The following CAPN13 variants were observed in gnomAD, a reference collection of about 807,000 sequenced individuals.
CAPN13 encodes the protein calpain-13.
A neutral mutation model predicts 98.4 loss-of-function variants in CAPN13; 90 were observed. That is an observed-to-expected ratio of 0.92 (90% CI 0.77 to 1.09). CAPN13 has a LOEUF of 1.09. CAPN13 is among the 50% of genes least tolerant of loss of function. The pLI, the probability that CAPN13 is intolerant of heterozygous loss-of-function variation, is 0.00. For synonymous variants in CAPN13, 330 were observed against 305.5 expected (o/e 1.08, Z -0.84); for missense variants, 887 against 841.3 (o/e 1.05, Z -0.67).
At chr2:30,732,403 C>T (rs1444144757) in intron 20 of CAPN13, 35 bp downstream of exon 20, 1 of 1,611,240 alleles carries the variant, frequency 6.2e-7, no homozygotes, top group Non-Finnish European at 8.5e-7. Context: ...TCGGTCACTG[C>T]CAAGGTCTCT....
In CAPN13 at chr2:30,758,901, TCTC is replaced by T. The variant is rs1158723459; in HGVS notation, c.775-767_775-765del. ...TCCTACCCTCCTTTCCCTTACTCCC[TCTC>T]GTCTTCCCTTCTTTCTTTCCTTCCT... On this transcript the variant is annotated intron_variant, in intron 7 of 22. Coordinates refer to ENST00000295055, the MANE Select transcript of CAPN13 (RefSeq NM_144575.3). Among the ~76,000 whole-genome samples the T allele has an allele frequency of 2.3e-4, 33 of 141,190 alleles. 1 individual carries two copies. The highest frequency in any genetic ancestry group is 8.2e-4 in the African/African-American group (31 of 37,940). The allele number at this position is 141,190 out of a possible 152,430, so 92.6% of individuals were successfully genotyped here. A position where few individuals can be genotyped will look rare whatever the true frequency, so the allele number is the denominator to read the frequency against.
chr2:30,732,475 G>T lies in CAPN13; in HGVS notation c.1890C>A (p.Ser630Arg). ...SDSVGRVSFP[S>R]LVCFLMRLEA... is the part of the protein sequence containing the mutation. Reference sequence around the variant, plus strand: ...CAAGCCGCATCAGGAAGCAGACCAGGCTGGGGAAGCTGACCCTGCCGACGC... The same window carrying T: ...CAAGCCGCATCAGGAAGCAGACCAGTCTGGGGAAGCTGACCCTGCCGACGC... The change falls in exon 20 of 23, where the codon AGC becomes AGA. Residue 630 changes from serine (S) to arginine (R), a missense_variant. Transcript: ENST00000295055. 6.2e-7 allele frequency: 1 copy of T among 1,613,474 alleles called. No homozygotes were observed.
intron 17 of CAPN13, chr2:30,737,808 C>T: frequency 4.7e-6 from 1 of 211,186 alleles, no homozygotes; most frequent in Non-Finnish European, 9.8e-6. Flanking sequence ...AGAGCATCGA[C>T]TTTGGAGGCT....
At chr2:30,803,813 A>G (rs1474871823) in intron 1 of CAPN13, among the ~76,000 whole-genome samples, 1 of 152,172 alleles carries the variant, frequency 6.6e-6, no homozygotes, top group East Asian at 1.9e-4. Context: ...GGTGACCTTT[A>G]GCTGCCTTTC....
At chr2:30,754,019 T>C (rs1672310327) in intron 9 of CAPN13, among the ~76,000 whole-genome samples, 1 of 152,162 alleles carries the variant, frequency 6.6e-6, no homozygotes, top group Non-Finnish European at 1.5e-5. Flanking sequence ...AAACCACAGA[T>C]TTCAAGCCTT....
chr2:30,723,650 T>TCCA (rs1354374237), intron 22 of CAPN13, among the ~76,000 whole-genome samples: 1 of 152,134 alleles, frequency 6.6e-6, no homozygotes, highest in Non-Finnish European at 1.5e-5. Flanking sequence ...CCATCCAAGC[T>TCCA]CCAGATGGCT....
intron 4 of CAPN13, among the ~76,000 whole-genome samples, chr2:30,771,176 C>T (rs1028802684): frequency 3.3e-5 from 5 of 152,204 alleles, no homozygotes; most frequent in Non-Finnish European, 5.9e-5. Flanking sequence ...TATAGTTCAC[C>T]GGGGACATGG....
At chr2:30,728,936 A>G (rs903809839) in intron 22 of CAPN13, among the ~76,000 whole-genome samples, 4 of 152,222 alleles carry the variant, frequency 2.6e-5, no homozygotes, top group African/African-American at 7.2e-5. Flanking sequence ...TTTGGTTGCA[A>G]TGAGAGGAAA....
At chr2:30,745,583 G>C in intron 12 of CAPN13, 140 bp downstream of exon 12, 1 of 764,522 alleles carries the variant, frequency 1.3e-6, no homozygotes, top group Non-Finnish European at 2.1e-6. Context: ...GGGGATTCTA[G>C]GCCTGTGTCT....
intron 7 of CAPN13, among the ~76,000 whole-genome samples, chr2:30,759,045 TCCTTCCTTCCCTCCCTCCCTCCCTCCTC>T (rs1454158799): frequency 0.12 from 2,445 of 20,360 alleles, 98 homozygotes; most frequent in African/African-American, 0.33. Flanking sequence ...CCTCCCTCCT[TCCTTCCTTCCCTCCCTCCCTCCCTCCTC>T]CCTCCCTTCC....
intron 20 of CAPN13, among the ~76,000 whole-genome samples, chr2:30,732,234 C>T (rs897475311): frequency 3.9e-5 from 6 of 152,044 alleles, no homozygotes; most frequent in Admixed American, 1.3e-4. Flanking sequence ...AAGAGACCTG[C>T]GATGGGGAAC....
intron 5 of CAPN13, among the ~76,000 whole-genome samples, chr2:30,768,664 C>T (rs1199536284): frequency 7.6e-6 from 1 of 132,310 alleles, no homozygotes; most frequent in African/African-American, 4.2e-5. Context: ...CATTTCATTT[C>T]ATGAACTTTC....
rs149717290 is a variant in CAPN13 at position 30,747,268 on chromosome 2, T to TGTAGAAACTGAGGCTCA, written c.1237-1551_1237-1535dup. 3.7e-3 allele frequency among the ~76,000 whole-genome samples: 564 copies of TGTAGAAACTGAGGCTCA among 152,250 alleles called. 2 individuals carry two copies. The highest frequency in any genetic ancestry group is 6.0e-3 in the Admixed American group (92 of 15,256). ...GATGCTGGGCTCCCTATTTTATGGG[T>TGTAGAAACTGAGGCTCA]GTAGAAACTGAGGCTCAGCAGTTTA... On this transcript the variant is annotated intron_variant, in intron 11 of 22. Transcript: ENST00000295055.
chr2:30,732,540 G>A lies in CAPN13; in HGVS notation c.1825C>T (p.Arg609Cys), dbSNP rs757821105. ...TDFLRGIFIS[R>C]ELLHLVTLRY... ...AGGGTCACCAGATGCAGCAGCTCAC[G>A]GCTGATGAAGATCCCTCTGAGGAAG... is the stretch of plus-strand genomic sequence containing the variant. The change falls in exon 20 of 23, where the codon CGT becomes TGT. Residue 609 changes from arginine (R) to cysteine (C), a missense_variant. Coordinates refer to ENST00000295055, the MANE Select transcript of CAPN13 (RefSeq NM_144575.3). The A allele has an allele frequency of 3.4e-5, 55 of 1,609,706 alleles. No individual in the cohort carries two copies. Among genetic ancestry groups the A allele is most frequent in the African/African-American group, 1.7e-4 (13 of 74,876 alleles).
chr2:30,743,668 C>T (rs202104645), intron 12 of CAPN13, 89 bp from the exon 13 acceptor site: 16 of 1,104,646 alleles, frequency 1.4e-5, no homozygotes, highest in Middle Eastern at 3.9e-4. Context: ...CCTTCTAGAC[C>T]GTCTCCATTC....
intron 2 of CAPN13, among the ~76,000 whole-genome samples, chr2:30,781,945 C>G (rs574694529): frequency 1.3e-5 from 2 of 151,912 alleles, no homozygotes; most frequent in African/African-American, 4.8e-5. Flanking sequence ...TCTGGAGAAC[C>G]CTGAGTAATA....
intron 22 of CAPN13, among the ~76,000 whole-genome samples, chr2:30,729,044 T>G (rs2593429): frequency 0.035 from 5,366 of 152,228 alleles, 334 homozygotes; most frequent in African/African-American, 0.12. Flanking sequence ...AGAGACAGGT[T>G]TAGTATTCAG....
chr2:30,727,905 C>T (rs1670915626), intron 22 of CAPN13, among the ~76,000 whole-genome samples: 1 of 151,880 alleles, frequency 6.6e-6, no homozygotes, highest in African/African-American at 2.4e-5. Flanking sequence ...AAACAACCCA[C>T]ATGTCTATCA....
rs78355147 is a variant in CAPN13, at chr2:30,763,879, T to C, written c.699+253A>G. On this transcript the variant is annotated intron_variant, in intron 6 of 22. Coordinates refer to ENST00000295055, the MANE Select transcript of CAPN13 (RefSeq NM_144575.3). ...ATTGGAAGACTTGTCGAGCCACTTA[T>C]GAGCTGTGTGTTGGTGAGCACCTTA... 0.019 allele frequency among the ~76,000 whole-genome samples: 2,875 copies of C among 152,328 alleles called. 40 individuals are homozygous for C. Among genetic ancestry groups the C allele is most frequent in the Middle Eastern group, 0.037 (11 of 294 alleles).
Sources: allele counts gnomAD v4.1 joint callset (sites outside exome capture counted in the v4.1 genomes callset), GRCh38; gene constraint gnomAD v4.1.1; transcripts MANE v1.5; gene names NCBI Gene and HGNC (gene_info 2026-07-23, HGNC 2026-07-21).